Variants in JMJD1C observed in about 807,000 individuals in gnomAD.
The protein encoded by JMJD1C is jumonji domain-containing protein 1C.
Under a neutral mutation model 245.3 loss-of-function variants are expected in JMJD1C, and 31 were observed. That is an observed-to-expected ratio of 0.13 (90% CI 0.09 to 0.17). JMJD1C has a LOEUF of 0.17. Among genes scored for constraint, JMJD1C ranks in the 10% least tolerant of loss-of-function variants. The pLI, the probability that JMJD1C is intolerant of heterozygous loss-of-function variation, is 1.00. For missense variants in JMJD1C, 2,691 were observed against 3,000.2 expected (o/e 0.90, Z 2.41); for synonymous variants, 1,057 against 1,017.4 (o/e 1.04, Z -0.74).
chr10:63,196,006 G>A (rs1845418399), intron 13 of JMJD1C, among the ~76,000 whole-genome samples: 1 of 152,024 alleles, frequency 6.6e-6, no homozygotes. Flanking sequence ...AGCAGGCTGG[G>A]CGTGGTGGCT....
At chr10:63,282,212 T>C (rs1416915433) in intron 2 of JMJD1C, among the ~76,000 whole-genome samples, 1 of 152,208 alleles carries the variant, frequency 6.6e-6, no homozygotes, top group Non-Finnish European at 1.5e-5. Context: ...AAACTGATGA[T>C]GTCAGCAACA....
intron 2 of JMJD1C, among the ~76,000 whole-genome samples, chr10:63,363,407 T>C (rs1223626034): frequency 6.6e-6 from 1 of 151,274 alleles, no homozygotes; most frequent in African/African-American, 2.4e-5. Flanking sequence ...TAGAGATGCA[T>C]GCCGCCATGC....
In JMJD1C at chr10:63,207,348, G is replaced by C; in HGVS notation, c.4321C>G (p.Pro1441Ala). The C allele has an allele frequency of 6.2e-7, 1 of 1,613,712 alleles. No individual in the cohort carries two copies. The highest frequency in any genetic ancestry group is 8.5e-7 in the Non-Finnish European group (1 of 1,180,024). The change falls in exon 10 of 26, where the codon CCA (proline) becomes GCA (alanine). Residue 1441 changes from proline (P) to alanine (A), a missense_variant. Physicochemically the swap from Pro to Ala is conservative, Grantham distance 27 (BLOSUM62 -1). Around this residue, in one of 9 missense-constraint regions of JMJD1C, gnomAD observed 1,562 missense variants for 1,490.7 expected, o/e 1.05. Transcript: ENST00000399262. ...ECVSSKSVSQ[P>A]VAQKQECKVS... ...TTGCATTCTTGTTTTTGAGCCACTGGCTGACTGACACTTTTTGAAGATACA... is the reference window on the plus strand; with the variant it reads ...TTGCATTCTTGTTTTTGAGCCACTGCCTGACTGACACTTTTTGAAGATACA...
At chr10:63,466,646 G>A (rs1008719410), upstream of JMJD1C, 1 of 152,202 alleles carries the variant, frequency 6.6e-6, no homozygotes, top group African/African-American at 2.4e-5. Flanking sequence ...AACCGTGTCT[G>A]CGACAGTCTT....
At chr10:63,489,625 T>A (rs1252150814) in intron 1 of JMJD1C, 1 of 153,578 alleles carries the variant, frequency 6.5e-6, no homozygotes, top group Non-Finnish European at 1.4e-5. Flanking sequence ...CTAAAAGGAA[T>A]GAGTGAAGAG....
intron 8 of JMJD1C, among the ~76,000 whole-genome samples, chr10:63,212,516 C>T (rs1435569194): frequency 6.6e-6 from 1 of 152,104 alleles, no homozygotes; most frequent in Non-Finnish European, 1.5e-5. Flanking sequence ...GCTATAGAAA[C>T]TACATGGCTC....
At chr10:63,465,416 A>T (rs1311405317) in intron 1 of JMJD1C, 79 bp downstream of exon 1, 1 of 1,382,586 alleles carries the variant, frequency 7.2e-7, no homozygotes, top group East Asian at 2.5e-5. Context: ...GCGAGGCGCC[A>T]GAGGGAAGCC....
intron 2 of JMJD1C, among the ~76,000 whole-genome samples, chr10:63,293,688 T>A (rs1012796455): frequency 1.3e-5 from 2 of 152,102 alleles, no homozygotes; most frequent in Admixed American, 6.6e-5. Context: ...TCCTCCACCC[T>A]CCTCAACACA....
chr10:63,474,890 G>A (rs923541431), intron 1 of JMJD1C, among the ~76,000 whole-genome samples: 1 of 151,902 alleles, frequency 6.6e-6, no homozygotes, highest in Non-Finnish European at 1.5e-5. Context: ...AATGTAATAC[G>A]GAAAATGTGA....
chr10:63,195,050 CAGCATAA>C (rs1302473852), intron 13 of JMJD1C, among the ~76,000 whole-genome samples: 1 of 152,008 alleles, frequency 6.6e-6, no homozygotes, highest in African/African-American at 2.4e-5. Flanking sequence ...TCAATAAATT[CAGCATAA>C]AAAAATCTAG....
At chr10:63,237,103 T>C (rs1327537380) in intron 3 of JMJD1C, among the ~76,000 whole-genome samples, 1 of 152,158 alleles carries the variant, frequency 6.6e-6, no homozygotes, top group Non-Finnish European at 1.5e-5. Flanking sequence ...AATGGCGCAA[T>C]CTCGGCCCAC....
At chr10:63,278,208 A>G (rs1012624384) in intron 2 of JMJD1C, among the ~76,000 whole-genome samples, 1 of 151,994 alleles carries the variant, frequency 6.6e-6, no homozygotes, top group African/African-American at 2.4e-5. Flanking sequence ...TTAATAGGCC[A>G]GGCACAGTGG....
At chr10:63,387,935 G>A (rs904391192) in intron 1 of JMJD1C, among the ~76,000 whole-genome samples, 3 of 151,568 alleles carry the variant, frequency 2.0e-5, no homozygotes, top group South Asian at 2.1e-4. Context: ...GCGCCTGGCC[G>A]AAAAAAGAAA....
At chr10:63,508,273 C>T (rs1954781024) in intron 1 of JMJD1C, among the ~76,000 whole-genome samples, 1 of 152,158 alleles carries the variant, frequency 6.6e-6, no homozygotes, top group Admixed American at 6.5e-5. Flanking sequence ...TATTCCTTTG[C>T]CAACGATCAT....
At position 63,189,306 on chromosome 10, in the gene JMJD1C, T is replaced by C. The variant is rs1395764087; in HGVS notation, c.6432A>G (p.Ile2144Met). ...ATTTATTATTTTCATCCACTGCAGA[T>C]ATTATGCTTTCTTCAGGCTCTTCTT... is the stretch of plus-strand genomic sequence containing the variant. The part of the protein sequence containing the change: ...ELKEEPEESI[I>M]SAVDENNKLY... Residue 2144 changes from isoleucine (I) to methionine (M), a missense_variant, in exon 18 of 26, where the codon ATA (isoleucine) becomes ATG (methionine). Coordinates refer to ENST00000399262, the MANE Select transcript of JMJD1C (RefSeq NM_032776.3). 9.3e-6 allele frequency: 15 copies of C among 1,613,888 alleles called. No individual in the cohort carries two copies. In the East Asian group the frequency reaches 2.9e-4, roughly 31 times the overall value.
intron 2 of JMJD1C, among the ~76,000 whole-genome samples, chr10:63,278,395 G>A (rs1222021172): frequency 6.0e-5 from 9 of 151,212 alleles, no homozygotes; most frequent in South Asian, 4.2e-4. Context: ...GTGTGGTAGC[G>A]CATGCCTGTA....
intron 2 of JMJD1C, among the ~76,000 whole-genome samples, chr10:63,344,723 A>C (rs1247743648): frequency 1.3e-5 from 2 of 151,426 alleles, no homozygotes; most frequent in Non-Finnish European, 2.9e-5. Flanking sequence ...TGATTTAAAC[A>C]AGCATGTCTC....
chr10:63,517,786 CTTTTTTTTTTTTT>C lies in JMJD1C; in HGVS notation n.113+3939_113+3951del, dbSNP rs11361305. Among the ~76,000 whole-genome samples, 335 of 72,578 alleles carry C rather than the reference CTTTTTTTTTTTTT, an allele frequency of 4.6e-3. 3 individuals carry two copies. The South Asian group carries it at 0.065, about 14-fold the overall frequency. 47.6% of individuals were successfully genotyped at this position (72,578 alleles called of 152,430 possible). A position where few individuals can be genotyped will look rare whatever the true frequency, so the allele number is the denominator to read the frequency against. On this transcript the variant is annotated intron_variant and non_coding_transcript_variant, in intron 1 of 3. Coordinates refer to the JMJD1C transcript ENST00000633035. ...CAGTGAAGTACTTATCTAATGGCCA[CTTTTTTTTTTTTT>C]TTTTTTTTTTTGAGACAGAGTCTCA...
chr10:63,228,376 A>G (rs190904944), intron 3 of JMJD1C, among the ~76,000 whole-genome samples: 2 of 152,174 alleles, frequency 1.3e-5, no homozygotes, highest in East Asian at 3.9e-4. Flanking sequence ...AAGTAACTGG[A>G]CACAGTGGCT....
Sources: allele counts gnomAD v4.1 joint callset (sites outside exome capture counted in the v4.1 genomes callset), GRCh38; gene constraint gnomAD v4.1.1; regional missense constraint gnomAD v4.1.1; transcripts MANE v1.5; gene names NCBI Gene and HGNC (gene_info 2026-07-23, HGNC 2026-07-21).